SPPL2B: variants seen among roughly 807,000 people sequenced by gnomAD.
SPPL2B encodes signal peptide peptidase like 2B.
In SPPL2B, 39 loss-of-function variants were observed where a neutral mutation model predicts 59.7. That is an observed-to-expected ratio of 0.65 (90% CI 0.51 to 0.85). SPPL2B has a LOEUF of 0.85. Ranked by LOEUF, SPPL2B falls within the 40% of genes least tolerant of loss-of-function variation. The probability of loss-of-function intolerance (pLI) is 0.00; values close to 1 mark genes in which losing one functional copy is unlikely to be tolerated. For synonymous variants in SPPL2B, 419 were observed against 370.8 expected (o/e 1.13, Z -1.49); for missense variants, 865 against 849.0 (o/e 1.02, Z -0.23).
chr19:2,346,673 A>G (rs1599239250), intron 13 of SPPL2B, among the ~76,000 whole-genome samples: 1 of 152,234 alleles, frequency 6.6e-6, no homozygotes, highest in Non-Finnish European at 1.5e-5. Context: ...TCTCGAAAAA[A>G]TAATAATAAA....
intron 2 of SPPL2B, among the ~76,000 whole-genome samples, chr19:2,336,067 G>A (rs557700181): frequency 6.6e-6 from 1 of 152,376 alleles, no homozygotes; most frequent in South Asian, 2.1e-4. Flanking sequence ...ATATTTCTGA[G>A]TTTGTGTGTG....
chr19:2,344,828 G>A (rs1969276309), intron 12 of SPPL2B, among the ~76,000 whole-genome samples, 176 bp downstream of exon 12: 1 of 152,180 alleles, frequency 6.6e-6, no homozygotes, highest in Admixed American at 6.5e-5. Flanking sequence ...CGAGGGCATT[G>A]CCTGGGTGGG....
chr19:2,337,297 C>T, intron 2 of SPPL2B, 146 bp from the exon 3 acceptor site: 1 of 706,780 alleles, frequency 1.4e-6, no homozygotes, highest in East Asian at 3.0e-5. Flanking sequence ...GTAGGGATGG[C>T]TCTGCCTAGG....
At chr19:2,348,178 G>A (rs1240337781) in intron 13 of SPPL2B, among the ~76,000 whole-genome samples, 2 of 96,922 alleles carry the variant, frequency 2.1e-5, no homozygotes, top group Non-Finnish European at 3.9e-5. Context: ...ACACACTCGC[G>A]CTCTCATTCG....
At chr19:2,330,341 C>T (rs1968217624) in intron 1 of SPPL2B, 1 of 146,944 alleles carries the variant, frequency 6.8e-6, no homozygotes, top group Non-Finnish European at 1.5e-5. Context: ...TCTCGAACTT[C>T]AGACCTCAGG....
chr19:2,347,408 C>T (rs1969474746), intron 13 of SPPL2B, among the ~76,000 whole-genome samples: 1 of 49,042 alleles, frequency 2.0e-5, no homozygotes, highest in Non-Finnish European at 3.9e-5. Flanking sequence ...CACACACGCG[C>T]TCTCATTCGC....
intron 10 of SPPL2B, 119 bp downstream of exon 10, chr19:2,344,158 C>T: frequency 3.9e-6 from 2 of 511,154 alleles, no homozygotes; most frequent in East Asian, 4.0e-5. Context: ...CGTCCCCCTC[C>T]ACCCCACACC....
intron 2 of SPPL2B, among the ~76,000 whole-genome samples, chr19:2,335,346 C>T (rs1471408339): frequency 3.4e-4 from 39 of 113,370 alleles, no homozygotes; most frequent in East Asian, 3.0e-3. Context: ...TTTCCCACTG[C>T]ATCCTTCAGG....
intron 14 of SPPL2B, 67 bp from the exon 15 acceptor site, chr19:2,352,879 T>TG: frequency 5.1e-6 from 8 of 1,574,278 alleles, no homozygotes; most frequent in Non-Finnish European, 6.9e-6. Flanking sequence ...CTGGGTGTCC[T>TG]GGCCCCTGCC....
intron 1 of SPPL2B, among the ~76,000 whole-genome samples, chr19:2,329,726 A>G (rs1467952372): frequency 2.0e-5 from 3 of 152,252 alleles, no homozygotes; most frequent in South Asian, 2.1e-4. Flanking sequence ...CCACATCCCC[A>G]GTCCATCCTC....
chr19:2,350,103 C>CCA (rs1025234607), intron 13 of SPPL2B, among the ~76,000 whole-genome samples: 5 of 146,858 alleles, frequency 3.4e-5, no homozygotes, highest in Admixed American at 1.4e-4. Context: ...TTCTCTCTCT[C>CCA]CACACACACT....
At position 2,353,119 on chromosome 19, in the gene SPPL2B, C is replaced by T; in HGVS notation, c.1689C>T (p.Ala563=). The T allele has an allele frequency of 6.2e-7, 1 of 1,610,824 alleles. No homozygotes were observed. Among genetic ancestry groups the T allele is most frequent in the Non-Finnish European group, 8.5e-7 (1 of 1,179,260 alleles). Residue 563 remains alanine, a synonymous_variant, in exon 15 of 15, where the codon GCC becomes GCT. Transcript: ENST00000613503. ...SRTSEEMGAG[A]PMREPGSPAE... ...CGTCCGAGGAGATGGGGGCTGGAGCCCCCATGCGGGAGCCTGGGAGCCCAG... is the reference window on the plus strand; with the variant it reads ...CGTCCGAGGAGATGGGGGCTGGAGCTCCCATGCGGGAGCCTGGGAGCCCAG...
intron 7 of SPPL2B, chr19:2,340,575 C>A: frequency 1.8e-6 from 1 of 545,326 alleles, no homozygotes; most frequent in Non-Finnish European, 3.3e-6. Flanking sequence ...CGGGGCTAGC[C>A]CAGGGGGAGA....
At chr19:2,346,069 T>C (rs558367459) in intron 13 of SPPL2B, among the ~76,000 whole-genome samples, 18 of 152,412 alleles carry the variant, frequency 1.2e-4, no homozygotes, top group African/African-American at 4.3e-4. Flanking sequence ...TCTTTTGTTA[T>C]GAACGTATTT....
At chr19:2,337,756 C>T in intron 3 of SPPL2B, 131 bp downstream of exon 3, 1 of 960,826 alleles carries the variant, frequency 1.0e-6, no homozygotes, top group Admixed American at 3.2e-5. Flanking sequence ...TGGGGAGGAT[C>T]TGGGCCGAGT....
At chr19:2,341,661 C>T (rs1233485575) in intron 8 of SPPL2B, 1 of 452,298 alleles carries the variant, frequency 2.2e-6, no homozygotes. Flanking sequence ...GTACGCTTGG[C>T]TTTGGTGTGT....
intron 13 of SPPL2B, among the ~76,000 whole-genome samples, chr19:2,349,178 TCA>T (rs1224911104): frequency 9.1e-5 from 4 of 44,080 alleles, no homozygotes; most frequent in African/African-American, 2.1e-4. Flanking sequence ...CCACACACAC[TCA>T]CGCGCTGTCA....
At chr19:2,336,209 G>T (rs181670959) in intron 2 of SPPL2B, among the ~76,000 whole-genome samples, 1 of 151,922 alleles carries the variant, frequency 6.6e-6, no homozygotes, top group East Asian at 1.9e-4. Flanking sequence ...GAATGTGTAT[G>T]TCTGTTTTTA....
In SPPL2B at chr19:2,337,519, A is replaced by G. The variant is rs1968723480; in HGVS notation, c.263A>G (p.Asn88Ser). Residue 88 changes from asparagine (N) to serine (S), a missense_variant, in exon 3 of 15, where the codon AAC becomes AGC. By Grantham distance (46) the Asn-to-Ser change is conservative (BLOSUM62 1). Transcript: ENST00000613503. ...GACCTCCCCGCCCGTGGCTTCAGCA[A>G]CCAGATCCCGCTGGTGGCGCGGGGG... Reference protein sequence around the residue: ...AADLPARGFSNQIPLVARGNC... With the variant: ...AADLPARGFSSQIPLVARGNC... The G allele has an allele frequency of 1.9e-6, 3 of 1,613,160 alleles. No individual in the cohort carries two copies. The highest frequency in any genetic ancestry group is 2.2e-5 in the South Asian group (2 of 91,064).
Sources: gnomAD v4.1 joint callset for allele counts (sites outside exome capture counted in the v4.1 genomes callset) on GRCh38, gnomAD v4.1.1 for gene constraint, MANE v1.5 for transcripts, NCBI Gene and HGNC (gene_info 2026-07-23, HGNC 2026-07-21) for gene names.